The following BCLAF1 variants were observed in gnomAD, a reference collection of about 807,000 sequenced individuals.
The protein encoded by BCLAF1 is bcl-2-associated transcription factor 1.
Under a neutral mutation model 99.5 loss-of-function variants are expected in BCLAF1, and 10 were observed. The observed-to-expected ratio is 0.10, with a 90% confidence interval of 0.06 to 0.17. The LOEUF (loss-of-function observed/expected upper bound fraction) is 0.17, where lower values mean the gene tolerates loss of function less well. Ranked by LOEUF, BCLAF1 falls within the 10% of genes least tolerant of loss-of-function variation. The pLI is 1.00. For missense variants in BCLAF1, 636 were observed against 1,105.8 expected (o/e 0.58, Z 6.02); for synonymous variants, 255 against 370.9 (o/e 0.69, Z 3.59).
chr6:136,284,179 C>CAGA (rs1455586842), intron 1 of BCLAF1, among the ~76,000 whole-genome samples: 1 of 139,738 alleles, frequency 7.2e-6, no homozygotes, highest in East Asian at 2.0e-4. Flanking sequence ...ACCCAACTGC[C>CAGA]AGATCTCTTT....
rs1780542371 is a variant in BCLAF1 at position 136,257,792 on chromosome 6, C to T, written c.*3318G>A. The T allele has an allele frequency of 6.6e-6, 1 of 152,220 alleles. No homozygotes were observed. The highest frequency in any genetic ancestry group is 1.5e-5 in the Non-Finnish European group (1 of 67,942). 9.4% of individuals were successfully genotyped at this position (152,220 alleles called of 1,614,324 possible). A position where few individuals can be genotyped will look rare whatever the true frequency, so the allele number is the denominator to read the frequency against. ...AATTGAGAAAGGCCTCTGAACTTCT[C>T]TTTCTGGATGTGAAAGTCTATTATT... On this transcript the variant is annotated 3_prime_UTR_variant, in exon 13 of 13. Coordinates refer to ENST00000531224, the MANE Select transcript of BCLAF1 (RefSeq NM_014739.3).
At chr6:136,274,007 G>C in intron 6 of BCLAF1, 1 of 1,255,164 alleles carries the variant, frequency 8.0e-7, no homozygotes. Context: ...ATTAAAACTT[G>C]AAACGGCCAC....
intron 4 of BCLAF1, 21 bp from the exon 5 acceptor site, chr6:136,276,529 G>C (rs372674312): frequency 5.1e-4 from 806 of 1,567,344 alleles, no homozygotes; most frequent in Non-Finnish European, 6.7e-4. Context: ...GCAAAGAAGA[G>C]GATAGTAACT....
chr6:136,264,360 C>A (rs1367251081), intron 11 of BCLAF1, among the ~76,000 whole-genome samples: 2 of 152,140 alleles, frequency 1.3e-5, no homozygotes, highest in Non-Finnish European at 2.9e-5. Flanking sequence ...GCACGCACCA[C>A]CACGCTCAGC....
At chr6:136,273,308 A>G (rs1782805807) in intron 6 of BCLAF1, 121 bp from the exon 7 acceptor site, 1 of 829,628 alleles carries the variant, frequency 1.2e-6, no homozygotes, top group South Asian at 1.7e-5. Flanking sequence ...AGCAAAAGAG[A>G]ATCAAGTGTT....
intron 11 of BCLAF1, among the ~76,000 whole-genome samples, chr6:136,266,208 A>G (rs947828062): frequency 1.3e-5 from 2 of 152,094 alleles, no homozygotes; most frequent in Non-Finnish European, 2.9e-5. Flanking sequence ...ATTCAAATAT[A>G]CTCATAAAAA....
intron 1 of BCLAF1, among the ~76,000 whole-genome samples, chr6:136,283,596 T>A (rs1784670516): frequency 6.6e-6 from 1 of 152,144 alleles, no homozygotes; most frequent in African/African-American, 2.4e-5. Context: ...GAACAGAAAC[T>A]AAGGAATACA....
chr6:136,284,882 T>G (rs1208826532), intron 1 of BCLAF1, among the ~76,000 whole-genome samples: 1 of 152,088 alleles, frequency 6.6e-6, no homozygotes, highest in Non-Finnish European at 1.5e-5. Flanking sequence ...GCAGGGGGAC[T>G]ACTTACTTAG....
At chr6:136,277,764 C>T (rs570462967) in intron 4 of BCLAF1, 101 bp downstream of exon 4, 2 of 1,368,694 alleles carry the variant, frequency 1.5e-6, no homozygotes, top group Admixed American at 2.8e-5. Flanking sequence ...GAGTAAAAAC[C>T]GCTAGTTAAA....
rs908812314 is a variant in BCLAF1 at position 136,257,036 on chromosome 6, T to C, written c.*4074A>G. The C allele has an allele frequency of 4.6e-5, 7 of 152,226 alleles. No homozygotes were observed. The highest frequency in any genetic ancestry group is 9.6e-5 in the African/African-American group (4 of 41,458). The allele number at this position is 152,226 out of a possible 1,614,324, so 9.4% of individuals were successfully genotyped here. On this transcript the variant is annotated 3_prime_UTR_variant, in exon 13 of 13. Coordinates refer to ENST00000531224, the MANE Select transcript of BCLAF1 (RefSeq NM_014739.3). ...CTTTTATTAAAGGCAGAGCTCATTA[T>C]TAATGAAATCTGGAAGCTGGCCAAC...
rs1291595913 is a variant in BCLAF1, at chr6:136,260,894, T to C, written c.*216A>G. Reference sequence around the variant, plus strand: ...TTTTAAAAGTTGATAGTTACAAATATGGTACGTAACAATTTTCTACTTTAT... The same window carrying C: ...TTTTAAAAGTTGATAGTTACAAATACGGTACGTAACAATTTTCTACTTTAT... On this transcript the variant is annotated 3_prime_UTR_variant, in exon 13 of 13. Coordinates refer to ENST00000531224, the MANE Select transcript of BCLAF1 (RefSeq NM_014739.3). 7.8e-6 allele frequency: 4 copies of C among 511,776 alleles called. No homozygotes were observed. Among genetic ancestry groups the C allele is most frequent in the African/African-American group, 2.0e-5 (1 of 49,518 alleles). 31.7% of individuals were successfully genotyped at this position (511,776 alleles called of 1,614,324 possible).
At chr6:136,281,466 C>T (rs897931600) in intron 2 of BCLAF1, among the ~76,000 whole-genome samples, 5 of 152,116 alleles carry the variant, frequency 3.3e-5, no homozygotes, top group African/African-American at 1.2e-4. Context: ...CATCTGATTT[C>T]AAAATTCTGT....
intron 11 of BCLAF1, among the ~76,000 whole-genome samples, chr6:136,265,560 C>T (rs1343790010): frequency 6.6e-6 from 1 of 152,086 alleles, no homozygotes; most frequent in African/African-American, 2.4e-5. Flanking sequence ...GTATTAAGAC[C>T]TTTCACACTG....
In BCLAF1 at chr6:136,276,141, T is replaced by C. The variant is rs1562250700; in HGVS notation, c.1384A>G (p.Lys462Glu). Residue 462 changes from lysine (K) to glutamate (E), a missense_variant, in exon 5 of 13, where the codon AAA becomes GAA. Coordinates refer to ENST00000531224, the MANE Select transcript of BCLAF1 (RefSeq NM_014739.3). ...GFREEKNYKL[K>E]ETGYVVERPS... ...CTTTCCACTACATATCCAGTCTCTTTAAGTTTATAATTTTTTTCTTCTCTA... is the reference window on the plus strand; with the variant it reads ...CTTTCCACTACATATCCAGTCTCTTCAAGTTTATAATTTTTTTCTTCTCTA... 2 of 1,613,446 alleles carry C rather than the reference T, an allele frequency of 1.2e-6. No homozygotes were observed. The highest frequency in any genetic ancestry group is 1.7e-5 in the Admixed American group (1 of 59,780).
At chr6:136,273,007 C>G in intron 7 of BCLAF1, 75 bp downstream of exon 7, 1 of 1,045,736 alleles carries the variant, frequency 9.6e-7, no homozygotes, top group Admixed American at 2.4e-5. Flanking sequence ...AAACAAACTT[C>G]CAATACAATC....
In BCLAF1 at chr6:136,261,006, G is replaced by T. The variant is rs1376498012; in HGVS notation, c.*104C>A. The T allele has an allele frequency of 7.7e-7, 1 of 1,301,046 alleles. No individual in the cohort carries two copies. The allele number at this position is 1,301,046 out of a possible 1,614,324, so 80.6% of individuals were successfully genotyped here. A position where few individuals can be genotyped will look rare whatever the true frequency, so the allele number is the denominator to read the frequency against. ...AATTTCTATAGACTACTTGCAAACAGTAAAATTTAAGTAAAATGCTTACAT... is the reference window on the plus strand; with the variant it reads ...AATTTCTATAGACTACTTGCAAACATTAAAATTTAAGTAAAATGCTTACAT... On this transcript the variant is annotated 3_prime_UTR_variant, in exon 13 of 13. Coordinates refer to ENST00000531224, the MANE Select transcript of BCLAF1 (RefSeq NM_014739.3).
rs1782784714 is a variant in BCLAF1, at chr6:136,273,206, T to C, written c.1853-19A>G. On this transcript the variant is annotated intron_variant, in intron 6 of 12. Coordinates refer to ENST00000531224, the MANE Select transcript of BCLAF1 (RefSeq NM_014739.3). ...TATTGCTCTGTTGATTTAGAAGAAA[T>C]ACTGTCCGATTAGTTAACTTTACTT... 1 of 1,595,816 alleles carries C rather than the reference T, an allele frequency of 6.3e-7. No individual in the cohort carries two copies. Among genetic ancestry groups the C allele is most frequent in the Non-Finnish European group, 8.6e-7 (1 of 1,165,478 alleles).
At chr6:136,278,994 AACACACACACACACAC>A (rs71006795) in intron 3 of BCLAF1, among the ~76,000 whole-genome samples, 5 of 145,406 alleles carry the variant, frequency 3.4e-5, no homozygotes, top group Non-Finnish European at 7.5e-5. Context: ...GAAGGCACAA[AACACACACACACACAC>A]ACACACACAC....
intron 8 of BCLAF1, 155 bp downstream of exon 8, chr6:136,271,840 T>C (rs1409235513): frequency 1.4e-5 from 8 of 552,754 alleles, no homozygotes; most frequent in Non-Finnish European, 2.2e-5. Flanking sequence ...CCTTAATTTC[T>C]TCCAGGAAGA....
Sources: allele counts gnomAD v4.1 joint callset (sites outside exome capture counted in the v4.1 genomes callset), GRCh38; gene constraint gnomAD v4.1.1; transcripts MANE v1.5; gene names NCBI Gene and HGNC (gene_info 2026-07-23, HGNC 2026-07-21).